Variants in SHANK2 observed in about 807,000 individuals in gnomAD.
The protein encoded by SHANK2 is SH3 and multiple ankyrin repeat domains protein 2.
Under a neutral mutation model 133.7 loss-of-function variants are expected in SHANK2, and 43 were observed. The ratio of observed to expected loss-of-function variants is 0.32; its 90% CI spans 0.25 to 0.41. SHANK2 has a LOEUF of 0.41. Ranked by LOEUF, SHANK2 falls within the 10% of genes least tolerant of loss-of-function variation. The probability of loss-of-function intolerance (pLI) is 1.00; values close to 1 mark genes in which losing one functional copy is unlikely to be tolerated. For synonymous variants in SHANK2, 1,017 were observed against 952.8 expected (o/e 1.07, Z -1.24); for missense variants, 1,994 against 2,235.8 (o/e 0.89, Z 2.18).
chr11:70,919,444 C>T (rs1370275782), intron 10 of SHANK2, among the ~76,000 whole-genome samples: 2 of 151,734 alleles, frequency 1.3e-5, no homozygotes, highest in Non-Finnish European at 2.9e-5. Flanking sequence ...TGCAGTGGCA[C>T]GATCTCGGCT....
At chr11:71,142,809 G>A (rs1267610167) in intron 3 of SHANK2, among the ~76,000 whole-genome samples, 18 of 139,272 alleles carry the variant, frequency 1.3e-4, no homozygotes, top group Non-Finnish European at 2.5e-4. Flanking sequence ...TAGGAATCTA[G>A]TCCAAAAAAA....
At chr11:71,224,016 C>T (rs1555121765) in intron 2 of SHANK2, among the ~76,000 whole-genome samples, 1 of 152,218 alleles carries the variant, frequency 6.6e-6, no homozygotes. Flanking sequence ...CAGCAGGAGC[C>T]CAGTGTGTGG....
intron 8 of SHANK2, among the ~76,000 whole-genome samples, chr11:71,081,215 A>AG (rs1385889563): frequency 1.3e-5 from 2 of 152,318 alleles, no homozygotes; most frequent in East Asian, 3.9e-4. Context: ...AGGACTCAGG[A>AG]GGAACCAGCC....
intron 3 of SHANK2, among the ~76,000 whole-genome samples, chr11:71,135,475 G>A (rs1243030594): frequency 1.3e-5 from 2 of 149,608 alleles, no homozygotes; most frequent in African/African-American, 4.9e-5. Context: ...CAGACTAGGG[G>A]GGATATGTTT....
chr11:70,774,513 T>G (rs1555043510), intron 14 of SHANK2, among the ~76,000 whole-genome samples: 1 of 152,074 alleles, frequency 6.6e-6, no homozygotes, highest in African/African-American at 2.4e-5. Flanking sequence ...AGAGACAAAG[T>G]TTCATCATGT....
At chr11:70,920,912 A>G (rs1950340866) in intron 10 of SHANK2, among the ~76,000 whole-genome samples, 1 of 152,230 alleles carries the variant, frequency 6.6e-6, no homozygotes, top group Admixed American at 6.5e-5. Context: ...AATATAACTC[A>G]TGATGCATAT....
intron 2 of SHANK2, among the ~76,000 whole-genome samples, chr11:71,172,749 G>A (rs1286842149): frequency 1.3e-5 from 2 of 152,202 alleles, no homozygotes; most frequent in Non-Finnish European, 1.5e-5. Context: ...TCCCCCATGA[G>A]AGAACAGTCA....
intron 14 of SHANK2, among the ~76,000 whole-genome samples, chr11:70,737,494 C>G (rs2510302): frequency 0.48 from 72,601 of 152,026 alleles, 18,199 homozygotes; most frequent in African/African-American, 0.63. Flanking sequence ...CAATGAGACT[C>G]TGTCCGAGTT....
At chr11:70,700,189 CA>C (rs1565251472) in intron 14 of SHANK2, among the ~76,000 whole-genome samples, 2 of 152,196 alleles carry the variant, frequency 1.3e-5, no homozygotes, top group African/African-American at 2.4e-5. Context: ...GAGGCTCCTA[CA>C]AAACACAACA....
intron 17 of SHANK2, among the ~76,000 whole-genome samples, chr11:70,559,056 T>C (rs1554980270): frequency 6.6e-6 from 1 of 152,218 alleles, no homozygotes; most frequent in African/African-American, 2.4e-5. Flanking sequence ...ACTCTTTCTG[T>C]CATCCAGGCT....
At chr11:70,784,186 T>C (rs1947584391) in intron 14 of SHANK2, among the ~76,000 whole-genome samples, 1 of 151,614 alleles carries the variant, frequency 6.6e-6, no homozygotes, top group Non-Finnish European at 1.5e-5. Flanking sequence ...CCTGCTTTTT[T>C]TTTTTTTTGA....
chr11:70,827,409 A>C (rs1948659478), intron 11 of SHANK2, among the ~76,000 whole-genome samples: 1 of 117,310 alleles, frequency 8.5e-6, no homozygotes, highest in African/African-American at 3.3e-5. Flanking sequence ...CAACAGAAGA[A>C]GAGAAAAGAG....
intron 6 of SHANK2, among the ~76,000 whole-genome samples, chr11:71,095,178 G>GC (rs1359621288): frequency 6.6e-6 from 1 of 152,202 alleles, no homozygotes; most frequent in African/African-American, 2.4e-5. Context: ...TGAAGTCCGT[G>GC]CCCCCTGGAG....
At chr11:70,944,765 T>C (rs1555085067) in intron 10 of SHANK2, among the ~76,000 whole-genome samples, 4 of 152,204 alleles carry the variant, frequency 2.6e-5, no homozygotes. Context: ...TCTTTGTTTA[T>C]TTCTCCCTCA....
intron 17 of SHANK2, among the ~76,000 whole-genome samples, chr11:70,554,710 T>C (rs1565125505): frequency 6.6e-6 from 1 of 152,172 alleles, no homozygotes; most frequent in Non-Finnish European, 1.5e-5. Context: ...TAACTATCTA[T>C]AACGCCCCGT....
At chr11:70,598,189 A>T (rs1344752987) in intron 17 of SHANK2, among the ~76,000 whole-genome samples, 1 of 152,134 alleles carries the variant, frequency 6.6e-6, no homozygotes, top group African/African-American at 2.4e-5. Context: ...GCTGCAGGCG[A>T]TGGGGCGGGA....
chr11:70,918,876 G>A (rs1045186160), intron 10 of SHANK2, among the ~76,000 whole-genome samples: 8 of 152,032 alleles, frequency 5.3e-5, no homozygotes, highest in Non-Finnish European at 5.9e-5. Flanking sequence ...TTTGAAAAAC[G>A]CATACAGGCC....
chr11:70,800,880 C>T (rs1161859771), intron 13 of SHANK2, among the ~76,000 whole-genome samples: 2 of 152,236 alleles, frequency 1.3e-5, no homozygotes, highest in Non-Finnish European at 1.5e-5. Flanking sequence ...CCACACTCTC[C>T]TTCCTTCACG....
In SHANK2 at chr11:71,245,109, T is replaced by A. The variant is rs145037459; in HGVS notation, c.-113+7316A>T. 1.2e-3 allele frequency among the ~76,000 whole-genome samples: 186 copies of A among 152,044 alleles called. 1 individual carries two copies. The highest frequency in any genetic ancestry group is 3.4e-3 in the Middle Eastern group (1 of 294). ...AATCCTCCCACCTCAGCTTCCTGAG[T>A]AGCTGGGACCACAGGTGCGTGCCAC... On this transcript the variant is annotated intron_variant, in intron 1 of 25. Transcript: ENST00000601538.
Sources: gnomAD v4.1 joint callset for allele counts (sites outside exome capture counted in the v4.1 genomes callset) on GRCh38, gnomAD v4.1.1 for gene constraint, MANE v1.5 for transcripts, NCBI Gene and HGNC (gene_info 2026-07-23, HGNC 2026-07-21) for gene names.